ARHGAP15: variants seen among roughly 807,000 people sequenced by gnomAD.
ARHGAP15 encodes rho GTPase-activating protein 15.
ARHGAP15 carries 51 observed loss-of-function variants against 63.7 expected under a neutral mutation model. That is an observed-to-expected ratio of 0.80 (90% CI 0.64 to 1.01). The LOEUF (loss-of-function observed/expected upper bound fraction) is 1.01. Among genes scored for constraint, ARHGAP15 ranks in the 50% least tolerant of loss-of-function variants. ARHGAP15 has a pLI of 0.00. For missense variants in ARHGAP15, 560 were observed against 564.6 expected (o/e 0.99, Z 0.08); for synonymous variants, 191 against 193.8 (o/e 0.99, Z 0.12).
At chr2:143,569,167 TAAAC>T (rs775853080) in intron 11 of ARHGAP15, among the ~76,000 whole-genome samples, 1 of 136,870 alleles carries the variant, frequency 7.3e-6, no homozygotes, top group Non-Finnish European at 1.7e-5. Context: ...TATAATAATT[TAAAC>T]AAAAAAAAAG....
chr2:143,538,332 C>A (rs1477497177), intron 10 of ARHGAP15, among the ~76,000 whole-genome samples: 1 of 152,206 alleles, frequency 6.6e-6, no homozygotes, highest in African/African-American at 2.4e-5. Context: ...CAAACAGAGA[C>A]AATTTGACTT....
At chr2:143,607,663 T>G (rs763108702) in intron 11 of ARHGAP15, 24 of 152,108 alleles carry the variant, frequency 1.6e-4, no homozygotes, top group Non-Finnish European at 3.1e-4. Context: ...TGGAATGCTG[T>G]TTTGCAGTTT....
chr2:143,550,789 T>C (rs1045662858), intron 10 of ARHGAP15, among the ~76,000 whole-genome samples: 2 of 152,150 alleles, frequency 1.3e-5, no homozygotes, highest in Non-Finnish European at 2.9e-5. Context: ...TGTTCCCTTT[T>C]TAAAAAATAG....
At chr2:143,739,525 CTTAAAA>C (rs1047585408) in intron 13 of ARHGAP15, among the ~76,000 whole-genome samples, 3 of 152,126 alleles carry the variant, frequency 2.0e-5, no homozygotes, top group Non-Finnish European at 4.4e-5. Context: ...CATCATTCCA[CTTAAAA>C]TTAAAATTTG....
intron 6 of ARHGAP15, among the ~76,000 whole-genome samples, chr2:143,432,983 T>TG (rs1172918472): frequency 2.0e-5 from 3 of 152,008 alleles, no homozygotes; most frequent in Admixed American, 1.3e-4. Context: ...AAGAGTACAT[T>TG]AGCACGGCTT....
intron 2 of ARHGAP15, among the ~76,000 whole-genome samples, chr2:143,178,864 GA>G (rs1481738241): frequency 6.6e-6 from 1 of 152,190 alleles, no homozygotes; most frequent in Non-Finnish European, 1.5e-5. Context: ...TTGTAATATA[GA>G]AATGCAATAT....
chr2:143,203,406 C>A (rs1692201034), intron 3 of ARHGAP15, among the ~76,000 whole-genome samples: 1 of 152,138 alleles, frequency 6.6e-6, no homozygotes, highest in Non-Finnish European at 1.5e-5. Flanking sequence ...ATCCAGGTCA[C>A]TGATTGCCTC....
rs889347233 is a variant in ARHGAP15, at chr2:143,216,910, G to A, written c.296+465G>A. Among the ~76,000 whole-genome samples, 4 of 152,082 alleles carry A rather than the reference G, an allele frequency of 2.6e-5. 1 individual carries two copies. In the South Asian group the frequency reaches 8.3e-4, roughly 32 times the overall value. On this transcript the variant is annotated intron_variant, in intron 4 of 13. Transcript: ENST00000295095. ...CAGAGGTGAGAGAAATTTGAAAAGG[G>A]AATAAGAACCTTCAGAGAACAATAA...
rs117498798 is a variant in ARHGAP15, at chr2:143,525,427, C to T, written c.925+6063C>T. On this transcript the variant is annotated intron_variant, in intron 10 of 13. Transcript: ENST00000295095. ...CCCTGGAGAATATTTGTGGACTGAA[C>T]AAAAATGTTTCTGAGGTCAGTGACC... Among the ~76,000 whole-genome samples, 89 of 147,042 alleles carry T rather than the reference C, an allele frequency of 6.1e-4. 1 individual carries two copies. In the East Asian group the frequency reaches 0.016, roughly 26 times the overall value.
chr2:143,530,690 A>C (rs1008407139), intron 10 of ARHGAP15, among the ~76,000 whole-genome samples: 8 of 152,026 alleles, frequency 5.3e-5, no homozygotes, highest in Non-Finnish European at 1.0e-4. Flanking sequence ...CATGTTTCTG[A>C]TTATCTTCTC....
chr2:143,634,730 G>A (rs1188116816), intron 12 of ARHGAP15, among the ~76,000 whole-genome samples: 3 of 152,136 alleles, frequency 2.0e-5, no homozygotes, highest in African/African-American at 7.2e-5. Context: ...TCATATGACA[G>A]GATATTCTCT....
intron 4 of ARHGAP15, among the ~76,000 whole-genome samples, chr2:143,222,039 A>G (rs1044192024): frequency 6.6e-5 from 10 of 152,188 alleles, no homozygotes; most frequent in African/African-American, 2.2e-4. Flanking sequence ...ATCGCAATAA[A>G]TTCTTCCAGG....
chr2:143,356,351 A>C (rs1685810044), intron 6 of ARHGAP15, among the ~76,000 whole-genome samples: 1 of 152,150 alleles, frequency 6.6e-6, no homozygotes, highest in Admixed American at 6.6e-5. Flanking sequence ...TTGTAAGATG[A>C]ATTAATATAG....
At position 143,671,824 on chromosome 2, in the gene ARHGAP15, TTG is replaced by T. The variant is rs1429317310; in HGVS notation, c.1139-31593_1139-31592del. Among the ~76,000 whole-genome samples the T allele has an allele frequency of 7.9e-5, 12 of 152,222 alleles. No individual in the cohort carries two copies. The South Asian group carries it at 1.7e-3, about 21-fold the overall frequency. On this transcript the variant is annotated intron_variant, in intron 12 of 13. Transcript: ENST00000295095. ...AACACATTATTTGTAAAGTTTTTGA[TTG>T]TCTTTATGTATTCCTTTAAATATAA... is the stretch of plus-strand genomic sequence containing the variant.
intron 6 of ARHGAP15, among the ~76,000 whole-genome samples, chr2:143,399,265 T>C (rs1250938879): frequency 6.7e-6 from 1 of 149,024 alleles, no homozygotes. Flanking sequence ...AATTATTACT[T>C]TTTTTTTTAT....
At chr2:143,470,631 G>A (rs1044506929) in intron 8 of ARHGAP15, among the ~76,000 whole-genome samples, 5 of 135,462 alleles carry the variant, frequency 3.7e-5, no homozygotes, top group African/African-American at 1.3e-4. Context: ...ATATACATAT[G>A]TGTGTATATA....
At chr2:143,317,814 T>A (rs1683789841) in intron 6 of ARHGAP15, among the ~76,000 whole-genome samples, 1 of 152,222 alleles carries the variant, frequency 6.6e-6, no homozygotes, top group Admixed American at 6.5e-5. Flanking sequence ...AGGAGATTGC[T>A]CATCCGAAGC....
At chr2:143,750,885 G>T (rs947300285) in intron 13 of ARHGAP15, among the ~76,000 whole-genome samples, 2 of 152,196 alleles carry the variant, frequency 1.3e-5, no homozygotes, top group Admixed American at 6.5e-5. Flanking sequence ...ATAGCGTGAT[G>T]ATTTTATCTC....
At chr2:143,553,314 C>T (rs1354138631) in intron 10 of ARHGAP15, among the ~76,000 whole-genome samples, 1 of 152,148 alleles carries the variant, frequency 6.6e-6, no homozygotes, top group Non-Finnish European at 1.5e-5. Context: ...AGCCGGAGAG[C>T]ATGAGCCATT....
Sources: allele counts gnomAD v4.1 joint callset (sites outside exome capture counted in the v4.1 genomes callset), GRCh38; gene constraint gnomAD v4.1.1; transcripts MANE v1.5; gene names NCBI Gene and HGNC (gene_info 2026-07-23, HGNC 2026-07-21).